The following SRRD variants were observed in gnomAD, a reference collection of about 807,000 sequenced individuals.
SRRD encodes SRR1-like protein.
Under a neutral mutation model 30.7 loss-of-function variants are expected in SRRD, and 28 were observed. That is an observed-to-expected ratio of 0.91 (90% confidence interval 0.68 to 1.25). The LOEUF is 1.25. Among genes scored for constraint, SRRD ranks in the 50% most tolerant of loss-of-function variants. The pLI is 0.00. For synonymous variants in SRRD, 161 were observed against 159.6 expected (o/e 1.01, Z -0.07); for missense variants, 415 against 417.3 (o/e 0.99, Z 0.05).
At chr22:26,488,961 C>A (rs183342813) in intron 4 of SRRD, among the ~76,000 whole-genome samples, 1 of 152,184 alleles carries the variant, frequency 6.6e-6, no homozygotes, top group East Asian at 1.9e-4. Flanking sequence ...TTGCACCCCC[C>A]AAAATAGCTG....
In SRRD at chr22:26,491,615, C is replaced by G; in HGVS notation, c.963C>G (p.Asp321Glu). 6.2e-7 allele frequency: 1 copy of G among 1,614,044 alleles called. No individual in the cohort carries two copies. The highest frequency in any genetic ancestry group is 8.5e-7 in the Non-Finnish European group (1 of 1,180,036). Residue 321 changes from aspartate (D) to glutamate (E), a missense_variant, in exon 7 of 7, where the codon GAC becomes GAG. By Grantham distance (45) the Asp-to-Glu change is conservative (BLOSUM62 2). Transcript: ENST00000215917. ...WEFREEPDYQ[D>E]CEDLEIIRNK... Reference sequence around the variant, plus strand: ...TTCGGGAAGAACCAGATTATCAGGACTGTGAGGACCTTGAAATCATCAGGA... The same window carrying G: ...TTCGGGAAGAACCAGATTATCAGGAGTGTGAGGACCTTGAAATCATCAGGA...
Position 26,490,054 on chromosome 22 carries a change from G to T in SRRD, c.620G>T (p.Arg207Leu), listed in dbSNP as rs751066675. 6.2e-7 allele frequency: 1 copy of T among 1,613,872 alleles called. No individual in the cohort carries two copies. Among genetic ancestry groups the T allele is most frequent in the African/African-American group, 1.3e-5 (1 of 74,914 alleles). ...TVLSENEEGKRSIRGEPTIFY... is the reference protein window; with the variant it reads ...TVLSENEEGKLSIRGEPTIFY... ...ATATCGTATCCCCAGGAAGGGAAAC[G>T]GAGTATTCGCGGGGAGCCTACCATC... The change falls in exon 5 of 7, where the codon CGG (arginine) becomes CTG (leucine). Residue 207 changes from arginine to leucine, a missense_variant. Arg to Leu is a moderately radical substitution (Grantham distance 102). Coordinates refer to ENST00000215917, the MANE Select transcript of SRRD (RefSeq NM_001013694.3).
At position 26,483,995 on chromosome 22, in the gene SRRD, GGGGAGAGA is replaced by G. The variant is rs2091615816; in HGVS notation, c.108_115del (p.Arg37GlyfsTer19). On this transcript the variant is annotated frameshift_variant, in exon 1 of 7. Coordinates refer to ENST00000215917, the MANE Select transcript of SRRD (RefSeq NM_001013694.3). LOFTEE classifies it high-confidence loss of function. ...CGCGGCGGAGGGAGGCGGCGCCCCGGGGGAGAGAGGCGGCGCCCCGGGGGAGAGAGGCG... is the reference window on the plus strand; with the variant it reads ...CGCGGCGGAGGGAGGCGGCGCCCCGGGGCGGCGCCCCGGGGGAGAGAGGCG... 2.1e-5 allele frequency: 1 copy of G among 46,930 alleles called. No homozygotes were observed. Among genetic ancestry groups the G allele is most frequent in the Admixed American group, 4.2e-4 (1 of 2,404 alleles). The allele number at this position is 46,930 out of a possible 1,614,324, so 2.9% of individuals were successfully genotyped here.
At chr22:26,487,586 C>T (rs1484558006) in intron 2 of SRRD, among the ~76,000 whole-genome samples, 1 of 152,174 alleles carries the variant, frequency 6.6e-6, no homozygotes, top group East Asian at 1.9e-4. Context: ...GTCTTGAATT[C>T]CTGACCTCAG....
chr22:26,484,038 G>A lies in SRRD; in HGVS notation c.148G>A (p.Gly50Ser), dbSNP rs375310339. 7.4e-7 allele frequency: 1 copy of A among 1,353,718 alleles called. No individual in the cohort carries two copies. Among genetic ancestry groups the A allele is most frequent in the Non-Finnish European group, 9.6e-7 (1 of 1,046,804 alleles). The allele number at this position is 1,353,718 out of a possible 1,614,324, so 83.9% of individuals were successfully genotyped here. The change falls in exon 1 of 7, where the codon GGC (glycine) becomes AGC (serine). Residue 50 changes from glycine to serine, a missense_variant. Coordinates refer to ENST00000215917, the MANE Select transcript of SRRD (RefSeq NM_001013694.3). ...APRGREAAPRGPEAEFESDSG... is the reference protein window; with the variant it reads ...APRGREAAPRSPEAEFESDSG... ...CCGGGGGAGAGAGGCGGCGCCCCGG[G>A]GCCCCGAGGCGGAGTTCGAGTCTGA...
At chr22:26,490,843 C>G (rs1006530036) in intron 5 of SRRD, 182 bp from the exon 6 acceptor site, 1 of 585,570 alleles carries the variant, frequency 1.7e-6, no homozygotes, top group African/African-American at 1.9e-5. Context: ...GGATTACCTG[C>G]GCCTGGCCCA....
At position 26,493,676 on chromosome 22, in the gene SRRD, AACTC is replaced by A. The variant is rs1921521582; in HGVS notation, c.*2009_*2012del. ...CTATTGAAGGCTATACACAAGCATG[AACTC>A]ACTCTCCCTTTTAGCCTATAAAGTA... On this transcript the variant is annotated 3_prime_UTR_variant, in exon 7 of 7. Coordinates refer to ENST00000215917, the MANE Select transcript of SRRD (RefSeq NM_001013694.3). 5.9e-6 allele frequency: 1 copy of A among 170,646 alleles called. No homozygotes were observed. Among genetic ancestry groups the A allele is most frequent in the Non-Finnish European group, 1.3e-5 (1 of 78,504 alleles). 10.6% of individuals were successfully genotyped at this position (170,646 alleles called of 1,614,324 possible).
chr22:26,491,128 T>TATC, intron 6 of SRRD, 58 bp downstream of exon 6: 1 of 1,558,586 alleles, frequency 6.4e-7, no homozygotes, highest in South Asian at 1.2e-5. Context: ...TGAAGAATTC[T>TATC]ATCTTTCTTT....
Position 26,493,884 on chromosome 22 carries a change from T to C in SRRD, c.*2212T>C. The C allele has an allele frequency of 2.2e-6, 1 of 462,616 alleles. No homozygotes were observed. Among genetic ancestry groups the C allele is most frequent in the Non-Finnish European group, 4.0e-6 (1 of 252,170 alleles). The allele number at this position is 462,616 out of a possible 1,614,324, so 28.7% of individuals were successfully genotyped here. A position where few individuals can be genotyped will look rare whatever the true frequency, so the allele number is the denominator to read the frequency against. On this transcript the variant is annotated 3_prime_UTR_variant, in exon 7 of 7. Coordinates refer to ENST00000215917, the MANE Select transcript of SRRD (RefSeq NM_001013694.3). ...AAGAGGGCGGGGCCTGGGGTTAGAC[T>C]GACATCATCTGAATCCAGCTTAAGT...
intron 4 of SRRD, among the ~76,000 whole-genome samples, chr22:26,489,407 C>G (rs1477788243): frequency 6.6e-6 from 1 of 152,004 alleles, no homozygotes; most frequent in East Asian, 1.9e-4. Context: ...CTGAGCTGGG[C>G]TTTGAAGGTC....
intron 6 of SRRD, 120 bp from the exon 7 acceptor site, chr22:26,491,343 C>G: frequency 3.5e-6 from 3 of 855,956 alleles, no homozygotes; most frequent in South Asian, 1.7e-5. Flanking sequence ...ATCAAAATAC[C>G]CTATTTGTTA....
intron 1 of SRRD, 37 bp downstream of exon 1, chr22:26,484,136 C>G: frequency 6.6e-7 from 1 of 1,519,342 alleles, no homozygotes. Context: ...ATCTTTGCGC[C>G]CATGGGCAAT....
Position 26,484,014 on chromosome 22 carries a change from CGGGGGAGAGAG to C in SRRD, c.126_136del (p.Arg44AlafsTer11), listed in dbSNP as rs746569667. The C allele has an allele frequency of 5.6e-5, 78 of 1,402,724 alleles. 2 individuals carry two copies. In the African/African-American group the frequency reaches 9.6e-4, roughly 17 times the overall value. 86.9% of individuals were successfully genotyped at this position (1,402,724 alleles called of 1,614,324 possible). ...GCCCCGGGGGAGAGAGGCGGCGCCCCGGGGGAGAGAGGCGGCGCCCCGGGGCCCCGAGGCGG... is the reference window on the plus strand; with the variant it reads ...GCCCCGGGGGAGAGAGGCGGCGCCCCGCGGCGCCCCGGGGCCCCGAGGCGG... On this transcript the variant is annotated frameshift_variant, in exon 1 of 7. Coordinates refer to ENST00000215917, the MANE Select transcript of SRRD (RefSeq NM_001013694.3). LOFTEE classifies it high-confidence loss of function.
intron 4 of SRRD, among the ~76,000 whole-genome samples, chr22:26,488,805 G>C (rs1388123079): frequency 6.6e-6 from 1 of 152,236 alleles, no homozygotes; most frequent in Non-Finnish European, 1.5e-5. Flanking sequence ...TAAAAGTCTA[G>C]GTGCCTCAAG....
In SRRD at chr22:26,491,555, A is replaced by T. The variant is rs531251609; in HGVS notation, c.903A>T (p.Gln301His). 19 of 1,614,072 alleles carry T rather than the reference A, an allele frequency of 1.2e-5. No homozygotes were observed. The highest frequency in any genetic ancestry group is 8.3e-5 in the Admixed American group (5 of 60,014). Reference sequence around the variant, plus strand: ...CCTCTGTCCACTGGTTCCCTGTGCAAAAGCTAGAACAGCTCTCCATAGATA... The same window carrying T: ...CCTCTGTCCACTGGTTCCCTGTGCATAAGCTAGAACAGCTCTCCATAGATA... Reference protein sequence around the residue: ...NDTSVHWFPVQKLEQLSIDIW... With the variant: ...NDTSVHWFPVHKLEQLSIDIW... The change falls in exon 7 of 7, where the codon CAA (glutamine) becomes CAT (histidine). Residue 301 changes from glutamine to histidine, a missense_variant. By Grantham distance (24) the Gln-to-His change is conservative. Transcript: ENST00000215917.
chr22:26,489,427 T>G (rs965990349), intron 4 of SRRD, among the ~76,000 whole-genome samples: 2 of 151,430 alleles, frequency 1.3e-5, no homozygotes, highest in African/African-American at 4.9e-5. Context: ...CTACCAGGAG[T>G]TTGCTAGTGG....
At chr22:26,491,124 AT>A (rs1336261532) in intron 6 of SRRD, 54 bp downstream of exon 6, 1 of 1,554,914 alleles carries the variant, frequency 6.4e-7, no homozygotes, top group African/African-American at 1.4e-5. Flanking sequence ...ACTGTGAAGA[AT>A]TCTATCTTTC....
rs1320129043 is a variant in SRRD at position 26,494,481 on chromosome 22, G to A, written c.*2809G>A. ...GAATATGGATTTTGGAGTCAGCCTG[G>A]TAGCTAAAGTGCCCTTGCATGTAAA... is the stretch of plus-strand genomic sequence containing the variant. On this transcript the variant is annotated 3_prime_UTR_variant, in exon 7 of 7. Coordinates refer to ENST00000215917, the MANE Select transcript of SRRD (RefSeq NM_001013694.3). 8 of 792,204 alleles carry A rather than the reference G, an allele frequency of 1.0e-5. No homozygotes were observed. The highest frequency in any genetic ancestry group is 1.8e-5 in the South Asian group (1 of 56,564). The allele number at this position is 792,204 out of a possible 1,614,324, so 49.1% of individuals were successfully genotyped here. A position where few individuals can be genotyped will look rare whatever the true frequency, so the allele number is the denominator to read the frequency against.
At position 26,494,647 on chromosome 22, in the gene SRRD, G is replaced by A; in HGVS notation, c.*2975G>A. ...ACATGGCAAATGTCCAATAAATGGT[G>A]CCCACTATGAAGATGACCTAACTCA... On this transcript the variant is annotated 3_prime_UTR_variant, in exon 7 of 7. Transcript: ENST00000215917. The A allele has an allele frequency of 6.4e-6, 7 of 1,090,810 alleles. No individual in the cohort carries two copies. The highest frequency in any genetic ancestry group is 9.1e-6 in the Non-Finnish European group (7 of 769,248). 67.6% of individuals were successfully genotyped at this position (1,090,810 alleles called of 1,614,324 possible). A position where few individuals can be genotyped will look rare whatever the true frequency, so the allele number is the denominator to read the frequency against.
Sources: gnomAD v4.1 joint callset for allele counts (sites outside exome capture counted in the v4.1 genomes callset) on GRCh38, gnomAD v4.1.1 for gene constraint, MANE v1.5 for transcripts, NCBI Gene and HGNC (gene_info 2026-07-23, HGNC 2026-07-21) for gene names.